Variants in LOC400499 observed in about 807,000 individuals in gnomAD.
chr16:11,515,821 G>A, the LOC400499 span: 1,603 of 326,002 alleles, frequency 4.9e-3, 20 homozygotes, highest in Middle Eastern at 0.032. Context: ...AAGAGGAGAA[G>A]GGTCTGGGAG....
the LOC400499 span, among the ~76,000 whole-genome samples, chr16:11,516,507 C>T: frequency 6.6e-6 from 1 of 152,130 alleles, no homozygotes; most frequent in Non-Finnish European, 1.5e-5. Flanking sequence ...CTCTGAGCCA[C>T]CCCAGCCTTT....
chr16:11,484,971 G>C, the LOC400499 span: 1 of 399,288 alleles, frequency 2.5e-6, no homozygotes, highest in East Asian at 3.6e-5. Context: ...GGCCCTGGGG[G>C]TTCCTCTGGC....
the LOC400499 span, among the ~76,000 whole-genome samples, chr16:11,410,708 A>AT: frequency 6.6e-6 from 1 of 152,206 alleles, no homozygotes; most frequent in East Asian, 1.9e-4. Context: ...TTCATGCCCT[A>AT]TTTTTTTTAC....
the LOC400499 span, among the ~76,000 whole-genome samples, chr16:11,455,741 G>GAAAAAAAAA: frequency 9.9e-5 from 13 of 131,040 alleles, no homozygotes; most frequent in Middle Eastern, 3.8e-3. Context: ...TCTCAAAAAA[G>GAAAAAAAAA]AAAAAAAAAA....
chr16:11,445,173 C>A, the LOC400499 span, among the ~76,000 whole-genome samples: 2 of 151,838 alleles, frequency 1.3e-5, no homozygotes, highest in East Asian at 1.9e-4. Context: ...GTAATCCCAG[C>A]ACTTTGGGAG....
chr16:11,383,426 C>G, the LOC400499 span, among the ~76,000 whole-genome samples: 2 of 152,210 alleles, frequency 1.3e-5, no homozygotes, highest in Non-Finnish European at 2.9e-5. Flanking sequence ...AGAACTCACT[C>G]TTCACCAAAC....
At chr16:11,428,755 C>T in the LOC400499 span, among the ~76,000 whole-genome samples, 1 of 152,154 alleles carries the variant, frequency 6.6e-6, no homozygotes, top group Non-Finnish European at 1.5e-5. Flanking sequence ...CCTCATTCTA[C>T]CCAGCCCCTA....
the LOC400499 span, among the ~76,000 whole-genome samples, chr16:11,380,340 C>G: frequency 6.6e-5 from 10 of 151,820 alleles, no homozygotes; most frequent in Admixed American, 5.9e-4. Flanking sequence ...ATTTCTCTGG[C>G]CGGACACAAG....
the LOC400499 span, chr16:11,399,156 C>T: frequency 1.1e-5 from 11 of 960,692 alleles, no homozygotes; most frequent in South Asian, 1.9e-4. Flanking sequence ...CCTGATGCCT[C>T]GGGGAACCGG....
At chr16:11,463,051 C>A in the LOC400499 span, among the ~76,000 whole-genome samples, 1 of 152,190 alleles carries the variant, frequency 6.6e-6, no homozygotes, top group Non-Finnish European at 1.5e-5. Flanking sequence ...TACAGTACAA[C>A]CCAAAGTCCT....
chr16:11,510,324 A>G, the LOC400499 span, among the ~76,000 whole-genome samples: 34 of 151,712 alleles, frequency 2.2e-4, no homozygotes, highest in African/African-American at 6.6e-4. Flanking sequence ...ACATTCATCC[A>G]TCTAATCCTC....
chr16:11,383,898 G>C, the LOC400499 span: 2 of 1,232,148 alleles, frequency 1.6e-6, no homozygotes, highest in Non-Finnish European at 2.0e-6. Flanking sequence ...CCCGGAAGCA[G>C]TCCCTCAAGC....
chr16:11,483,526 T>C, the LOC400499 span, among the ~76,000 whole-genome samples: 6 of 152,126 alleles, frequency 3.9e-5, no homozygotes, highest in Non-Finnish European at 7.3e-5. Flanking sequence ...AGAATAATTA[T>C]GCTGAATAAA....
At chr16:11,445,572 G>A in the LOC400499 span, among the ~76,000 whole-genome samples, 1 of 152,266 alleles carries the variant, frequency 6.6e-6, no homozygotes, top group East Asian at 1.9e-4. Context: ...AGAGGGTGAC[G>A]GCTCCAGGCA....
chr16:11,380,749 C>T, the LOC400499 span: 1 of 152,234 alleles, frequency 6.6e-6, no homozygotes, highest in East Asian at 1.9e-4. Flanking sequence ...CTGCAGATAC[C>T]ATTCCATTGT....
chr16:11,451,960 C>T, the LOC400499 span, among the ~76,000 whole-genome samples: 33 of 152,170 alleles, frequency 2.2e-4, no homozygotes, highest in Non-Finnish European at 3.4e-4. Flanking sequence ...AAGGAACGCA[C>T]GGATCCCTGG....
chr16:11,448,688 C>T, the LOC400499 span, among the ~76,000 whole-genome samples: 2 of 151,986 alleles, frequency 1.3e-5, no homozygotes, highest in African/African-American at 4.8e-5. Flanking sequence ...GACAGCATCA[C>T]TGAACTCCAG....
chr16:11,517,781 G>A, the LOC400499 span, among the ~76,000 whole-genome samples: 2 of 152,174 alleles, frequency 1.3e-5, no homozygotes, highest in East Asian at 3.9e-4. Flanking sequence ...GTGAAGGGAC[G>A]GGGAAGTGAA....
the LOC400499 span, among the ~76,000 whole-genome samples, chr16:11,426,642 G>T: frequency 6.6e-6 from 1 of 151,342 alleles, no homozygotes; most frequent in East Asian, 1.9e-4. Flanking sequence ...AAAAATATCA[G>T]GCCAGGCTGG....
Sources: gnomAD v4.1 joint callset for allele counts (sites outside exome capture counted in the v4.1 genomes callset) on GRCh38, gnomAD v4.1.1 for gene constraint, MANE v1.5 for transcripts.